ESRRG: variants seen among roughly 807,000 people sequenced by gnomAD.
The protein encoded by ESRRG is estrogen-related receptor gamma.
Under a neutral mutation model 44.0 loss-of-function variants are expected in ESRRG, and 13 were observed. The ratio of observed to expected loss-of-function variants is 0.30; its 90% CI spans 0.19 to 0.47. The LOEUF is 0.47. Ranked by LOEUF, ESRRG falls within the 20% of genes least tolerant of loss-of-function variation. The pLI, the probability that ESRRG is intolerant of heterozygous loss-of-function variation, is 1.00. For missense variants in ESRRG, 395 were observed against 580.6 expected (o/e 0.68, Z 3.29); for synonymous variants, 215 against 214.6 (o/e 1.00, Z -0.02).
chr1:216,685,461 T>C (rs1284390992), intron 1 of ESRRG, among the ~76,000 whole-genome samples: 1 of 152,122 alleles, frequency 6.6e-6, no homozygotes, highest in Non-Finnish European at 1.5e-5. Flanking sequence ...GTTCAGACAA[T>C]TCTGTTTTCA....
In ESRRG at chr1:216,745,510, C is replaced by A. The variant is rs529972508; in HGVS notation, c.-13-68019G>T. Among the ~76,000 whole-genome samples the A allele has an allele frequency of 1.5e-4, 23 of 152,222 alleles. 1 individual carries two copies. The South Asian group carries it at 4.8e-3, about 32-fold the overall frequency. Reference sequence around the variant, plus strand: ...CCAATATGTTTTTGCTTCTTTCATTCACTTAAGTAACATTTTTCTCTATTG... The same window carrying A: ...CCAATATGTTTTTGCTTCTTTCATTAACTTAAGTAACATTTTTCTCTATTG... On this transcript the variant is annotated intron_variant, in intron 2 of 7. Transcript: ENST00000359162.
chr1:216,556,728 G>T (rs2057664192), intron 5 of ESRRG, among the ~76,000 whole-genome samples: 2 of 152,034 alleles, frequency 1.3e-5, no homozygotes, highest in South Asian at 4.1e-4. Context: ...TGTAGGAGAG[G>T]ACTATCATAG....
upstream of ESRRG, among the ~76,000 whole-genome samples, chr1:216,724,030 A>AAAT (rs748988279): frequency 4.6e-5 from 7 of 152,274 alleles, no homozygotes; most frequent in East Asian, 7.7e-4. Flanking sequence ...TGGGCATTAA[A>AAAT]AATAATAATA....
At chr1:216,819,364 T>C (rs2095237088) in intron 2 of ESRRG, among the ~76,000 whole-genome samples, 1 of 125,582 alleles carries the variant, frequency 8.0e-6, no homozygotes. Flanking sequence ...ATCCTTCCTA[T>C]TCTTTAAAGT....
At chr1:217,070,136 T>C (rs1419895553) in intron 1 of ESRRG, among the ~76,000 whole-genome samples, 1 of 152,150 alleles carries the variant, frequency 6.6e-6, no homozygotes, top group Non-Finnish European at 1.5e-5. Context: ...AGAGAATGAC[T>C]CTCATTTTGG....
chr1:216,780,504 C>A (rs1374909106), intron 2 of ESRRG, among the ~76,000 whole-genome samples: 3 of 151,968 alleles, frequency 2.0e-5, no homozygotes, highest in African/African-American at 7.2e-5. Context: ...ATGTACTGAA[C>A]CCTTACGAAA....
At chr1:216,932,275 A>G (rs1486825579) in intron 2 of ESRRG, among the ~76,000 whole-genome samples, 1 of 152,138 alleles carries the variant, frequency 6.6e-6, no homozygotes, top group Non-Finnish European at 1.5e-5. Flanking sequence ...AGAGGTTAAT[A>G]TTGTTAGTAC....
chr1:217,051,214 G>GGGGT (rs1553259362), intron 1 of ESRRG, among the ~76,000 whole-genome samples: 2 of 116,070 alleles, frequency 1.7e-5, no homozygotes, highest in African/African-American at 6.7e-5. Flanking sequence ...CGGGGGGGGG[G>GGGGT]GGTGCCAGGG....
At chr1:217,107,527 G>A (rs1169807626) in intron 1 of ESRRG, among the ~76,000 whole-genome samples, 1 of 152,128 alleles carries the variant, frequency 6.6e-6, no homozygotes, top group Non-Finnish European at 1.5e-5. Context: ...GTTTTATTAG[G>A]CAACAGACAT....
chr1:216,954,435 A>G (rs1379534126), intron 1 of ESRRG, among the ~76,000 whole-genome samples: 1 of 152,162 alleles, frequency 6.6e-6, no homozygotes, highest in East Asian at 1.9e-4. Flanking sequence ...AAATTCCATC[A>G]TTATTCCTAC....
At chr1:216,974,466 T>C (rs1175874265) in intron 1 of ESRRG, among the ~76,000 whole-genome samples, 2 of 152,058 alleles carry the variant, frequency 1.3e-5, no homozygotes, top group Non-Finnish European at 2.9e-5. Flanking sequence ...GGGAAAAAAA[T>C]AGCAACAAAA....
intron 3 of ESRRG, among the ~76,000 whole-genome samples, chr1:216,569,222 G>T (rs1046661891): frequency 5.6e-5 from 8 of 143,050 alleles, no homozygotes; most frequent in Non-Finnish European, 1.5e-5. Context: ...GAAAGGAAAG[G>T]AAAGGAAAGG....
At chr1:216,991,396 T>C (rs1331441202) in intron 1 of ESRRG, among the ~76,000 whole-genome samples, 2 of 152,174 alleles carry the variant, frequency 1.3e-5, no homozygotes, top group African/African-American at 4.8e-5. Flanking sequence ...CTGCTGCTGT[T>C]ATCATCCATC....
chr1:216,828,997 T>G (rs895616789), intron 2 of ESRRG, among the ~76,000 whole-genome samples: 3 of 152,224 alleles, frequency 2.0e-5, no homozygotes, highest in Non-Finnish European at 4.4e-5. Context: ...CAAGTCCTTA[T>G]TAAAGATATG....
Position 216,514,321 on chromosome 1 carries a change from A to G in ESRRG, c.1132+4831T>C, listed in dbSNP as rs552376206. ...CAATGAAAAGTAAACTAAGAGATGAAAAGTTATAATTTTGATTTCTTATTT... is the reference window on the plus strand; with the variant it reads ...CAATGAAAAGTAAACTAAGAGATGAGAAGTTATAATTTTGATTTCTTATTT... On this transcript the variant is annotated intron_variant, in intron 6 of 6. Transcript: ENST00000408911. 5.9e-5 allele frequency among the ~76,000 whole-genome samples: 9 copies of G among 152,238 alleles called. 1 individual carries two copies. Among genetic ancestry groups the G allele is most frequent in the African/African-American group, 1.9e-4 (8 of 41,568 alleles).
chr1:216,514,855 A>G (rs1201482966), intron 6 of ESRRG, among the ~76,000 whole-genome samples: 1 of 152,152 alleles, frequency 6.6e-6, no homozygotes, highest in Non-Finnish European at 1.5e-5. Context: ...AAGATTCTGA[A>G]AAAGGATAAT....
intron 3 of ESRRG, among the ~76,000 whole-genome samples, chr1:216,631,129 G>A (rs981420816): frequency 2.0e-5 from 3 of 151,212 alleles, no homozygotes; most frequent in African/African-American, 4.9e-5. Flanking sequence ...CATTAAAAAC[G>A]GGCAGAAAAG....
chr1:216,955,551 A>C (rs2067794354), intron 1 of ESRRG, among the ~76,000 whole-genome samples: 2 of 152,240 alleles, frequency 1.3e-5, no homozygotes, highest in Middle Eastern at 3.4e-3. Context: ...CTATTGGATA[A>C]ATACACAGTA....
Position 217,127,857 on chromosome 1 carries a change from A to AT in ESRRG, c.-230+9809dup, listed in dbSNP as rs1350149331. Reference sequence around the variant, plus strand: ...AAAAAGGAAACACACTAAAGCTTCCATTTTTTTAAATAAATATGTCTCATA... The same window carrying AT: ...AAAAAGGAAACACACTAAAGCTTCCATTTTTTTTAAATAAATATGTCTCATA... On this transcript the variant is annotated intron_variant, in intron 1 of 8. Transcript: ENST00000366940. Among the ~76,000 whole-genome samples the AT allele has an allele frequency of 2.0e-5, 3 of 152,332 alleles. No homozygotes were observed. The East Asian group carries it at 5.8e-4, about 29-fold the overall frequency.
Sources: allele counts gnomAD v4.1 joint callset (sites outside exome capture counted in the v4.1 genomes callset), GRCh38; gene constraint gnomAD v4.1.1; transcripts MANE v1.5; gene names NCBI Gene and HGNC (gene_info 2026-07-23, HGNC 2026-07-21).